The following DIP2A variants were observed in gnomAD, a reference collection of about 807,000 sequenced individuals.
The protein encoded by DIP2A is DIP2 acetate--CoA ligase A.
DIP2A carries 85 observed loss-of-function variants against 177.4 expected under a neutral mutation model. That is an observed-to-expected ratio of 0.48 (90% CI 0.40 to 0.57). The LOEUF (loss-of-function observed/expected upper bound fraction) is 0.57. Ranked by LOEUF, DIP2A falls within the 20% of genes least tolerant of loss-of-function variation. DIP2A has a pLI of 0.00. For synonymous variants in DIP2A, 886 were observed against 881.8 expected (o/e 1.00, Z -0.08); for missense variants, 1,791 against 2,100.2 (o/e 0.85, Z 2.88).
At chr21:46,501,511 C>A (rs1388367624) in intron 5 of DIP2A, among the ~76,000 whole-genome samples, 1 of 152,076 alleles carries the variant, frequency 6.6e-6, no homozygotes, top group Non-Finnish European at 1.5e-5. Context: ...CCTTGAACTC[C>A]TGGGCTTAAG....
At chr21:46,513,135 T>C (rs2058389816) in intron 8 of DIP2A, among the ~76,000 whole-genome samples, 1 of 152,176 alleles carries the variant, frequency 6.6e-6, no homozygotes, top group African/African-American at 2.4e-5. Flanking sequence ...TAGCTAAGTT[T>C]TTGTCTAATT....
intron 8 of DIP2A, among the ~76,000 whole-genome samples, chr21:46,523,453 G>C (rs1444157684): frequency 7.5e-6 from 1 of 133,786 alleles, no homozygotes; most frequent in African/African-American, 2.9e-5. Context: ...CACCATGTTG[G>C]CCAGGCTGGT....
chr21:46,463,467 C>T (rs1160489997), intron 1 of DIP2A, among the ~76,000 whole-genome samples: 1 of 152,194 alleles, frequency 6.6e-6, no homozygotes, highest in Non-Finnish European at 1.5e-5. Flanking sequence ...ACCTTTATCC[C>T]ATTCCAATTA....
intron 1 of DIP2A, among the ~76,000 whole-genome samples, chr21:46,467,244 C>T (rs940693147): frequency 1.4e-5 from 2 of 141,482 alleles, no homozygotes; most frequent in African/African-American, 5.3e-5. Context: ...TGCAGTGAGC[C>T]GATATCGCAC....
chr21:46,554,036 C>T (rs1215974012), intron 25 of DIP2A, 133 bp from the exon 26 acceptor site: 2 of 1,244,134 alleles, frequency 1.6e-6, no homozygotes, highest in South Asian at 1.5e-5. Flanking sequence ...CTAGGACTGA[C>T]ACATTGTCAT....
At position 46,556,920 on chromosome 21, in the gene DIP2A, A is replaced by T; in HGVS notation, c.3499-19A>T. The T allele has an allele frequency of 6.6e-7, 1 of 1,510,980 alleles. No individual in the cohort carries two copies. Among genetic ancestry groups the T allele is most frequent in the African/African-American group, 1.4e-5 (1 of 71,484 alleles). 93.6% of individuals were successfully genotyped at this position (1,510,980 alleles called of 1,614,324 possible). On this transcript the variant is annotated intron_variant, in intron 29 of 37. Transcript: ENST00000417564. The surrounding 1 kb of genome is among the most constrained non-coding windows in gnomAD (Gnocchi z 4.5). The stretch of plus-strand genomic sequence containing the variant: ...ATTTCATTTCACTTTTTTTTTTTGA[A>T]CTTTATTTTACTCTTAAGATGTCGC...
At chr21:46,554,544 G>T (rs1485099499) in intron 26 of DIP2A, 31 bp from the exon 27 acceptor site, 2 of 1,603,272 alleles carry the variant, frequency 1.2e-6, no homozygotes, top group East Asian at 2.3e-5. Flanking sequence ...CTTGCGGCCG[G>T]CCTCCTCACA....
intron 6 of DIP2A, among the ~76,000 whole-genome samples, chr21:46,506,727 T>TTTCTTG (rs1451439476): frequency 1.8e-5 from 1 of 54,378 alleles, no homozygotes; most frequent in Admixed American, 2.0e-4. Context: ...TGCTTGTTTT[T>TTTCTTG]CTTTCTTTCT....
In DIP2A at chr21:46,534,058, C is replaced by T. The variant is rs761548220; in HGVS notation, c.1484C>T (p.Pro495Leu). The change falls in exon 12 of 38, where the codon CCA becomes CTA. Residue 495 changes from proline to leucine, a missense_variant. Transcript: ENST00000417564. ...VIDGKHLAKP[P>L]KDWHPLAQDT... ...GATGGGAAGCATCTAGCCAAGCCCC[C>T]AAAGGACTGGCACCCTCTGGCCCAG... 1.2e-6 allele frequency: 2 copies of T among 1,613,866 alleles called. No homozygotes were observed. Among genetic ancestry groups the T allele is most frequent in the South Asian group, 2.2e-5 (2 of 91,050 alleles).
chr21:46,527,061 T>A (rs183218787), intron 8 of DIP2A, among the ~76,000 whole-genome samples: 31 of 152,184 alleles, frequency 2.0e-4, no homozygotes, highest in African/African-American at 7.2e-4. Context: ...AAAATCATTT[T>A]AAAATCATGA....
chr21:46,546,493 C>T (rs533113777), intron 20 of DIP2A, among the ~76,000 whole-genome samples: 10 of 152,286 alleles, frequency 6.6e-5, no homozygotes, highest in South Asian at 4.1e-4. Context: ...ACAGCACCTG[C>T]GATGGTATTG....
intron 1 of DIP2A, among the ~76,000 whole-genome samples, chr21:46,470,249 C>T (rs1163102652): frequency 6.6e-6 from 1 of 152,122 alleles, no homozygotes; most frequent in Non-Finnish European, 1.5e-5. Flanking sequence ...CCAAGGCGGG[C>T]GGATCACCTG....
At chr21:46,504,759 C>T (rs557348449) in intron 6 of DIP2A, among the ~76,000 whole-genome samples, 12 of 152,188 alleles carry the variant, frequency 7.9e-5, no homozygotes, top group African/African-American at 1.9e-4. Context: ...ATGCAAAGGG[C>T]GTTTCGATCT....
At chr21:46,526,465 G>A (rs151069365) in intron 8 of DIP2A, among the ~76,000 whole-genome samples, 3 of 151,304 alleles carry the variant, frequency 2.0e-5, no homozygotes, top group Non-Finnish European at 4.4e-5. Context: ...CACGATCTTG[G>A]CTCACTGCAA....
At chr21:46,512,636 T>A (rs988365587) in intron 8 of DIP2A, among the ~76,000 whole-genome samples, 33 of 268 alleles carry the variant, frequency 0.12, no homozygotes, top group African/African-American at 0.31. Context: ...CATCTTTCTT[T>A]TTTATTTTTT....
In DIP2A at chr21:46,539,959, T is replaced by G; in HGVS notation, c.2004T>G (p.Ser668Arg). ...LRPEVICPCA[S>R]SPEALTVAIR... is the part of the protein sequence containing the mutation. ...CAGAGGTCATCTGTCCTTGTGCAAG[T>G]TCTCCTGAGGCGCTGACTGTCGCCA... Residue 668 changes from serine to arginine, a missense_variant, in exon 17 of 38, where the codon AGT becomes AGG. By Grantham distance (110) the Ser-to-Arg change is moderately radical. Transcript: ENST00000417564. 1 of 1,614,026 alleles carries G rather than the reference T, an allele frequency of 6.2e-7. No individual in the cohort carries two copies. The highest frequency in any genetic ancestry group is 1.1e-5 in the South Asian group (1 of 91,084).
At chr21:46,500,323 A>G (rs1471621085) in intron 5 of DIP2A, among the ~76,000 whole-genome samples, 1 of 152,152 alleles carries the variant, frequency 6.6e-6, no homozygotes, top group East Asian at 1.9e-4. Context: ...TCTTAGGAAA[A>G]CAGCCTGCTC....
At chr21:46,509,653 A>C (rs1235039521) in intron 7 of DIP2A, among the ~76,000 whole-genome samples, 1 of 152,210 alleles carries the variant, frequency 6.6e-6, no homozygotes, top group Admixed American at 6.5e-5. Flanking sequence ...TGTTTAATTT[A>C]AACTTTAACT....
intron 8 of DIP2A, 44 bp from the exon 9 acceptor site, chr21:46,529,048 G>A (rs750867517): frequency 1.4e-5 from 18 of 1,259,442 alleles, no homozygotes; most frequent in Non-Finnish European, 2.0e-5. Flanking sequence ...TTAATTACTT[G>A]TTTCTTAAAT....
Sources: allele counts gnomAD v4.1 joint callset (sites outside exome capture counted in the v4.1 genomes callset), GRCh38; gene constraint gnomAD v4.1.1; non-coding constraint Gnocchi (gnomAD v3.1); transcripts MANE v1.5; gene names NCBI Gene and HGNC (gene_info 2026-07-23, HGNC 2026-07-21).